ECE1: variants seen among roughly 807,000 people sequenced by gnomAD.
ECE1 encodes the protein endothelin-converting enzyme 1.
In ECE1, 35 loss-of-function variants were observed where a neutral mutation model predicts 98.6. The ratio of observed to expected loss-of-function variants is 0.35; its 90% CI spans 0.27 to 0.47. ECE1 has a LOEUF of 0.47. ECE1 is among the 20% of genes least tolerant of loss of function. The pLI, the probability that ECE1 is intolerant of heterozygous loss-of-function variation, is 1.00. For missense variants in ECE1, 814 were observed against 1,025.3 expected (o/e 0.79, Z 2.81); for synonymous variants, 394 against 407.1 (o/e 0.97, Z 0.39).
At chr1:21,221,922 G>C in intron 17 of ECE1, 80 bp from the exon 18 acceptor site, 3 of 1,266,708 alleles carry the variant, frequency 2.4e-6, no homozygotes, top group Non-Finnish European at 3.5e-6. Flanking sequence ...GTCTCAGGGA[G>C]CTCCCCCGTG....
chr1:21,267,135 G>A (rs2098234878), intron 4 of ECE1: 1 of 152,300 alleles, frequency 6.6e-6, no homozygotes, highest in African/African-American at 2.4e-5. Flanking sequence ...ACAGTTCATG[G>A]TGCCATCTTG....
intron 17 of ECE1, 164 bp from the exon 18 acceptor site, chr1:21,222,006 C>A: frequency 1.4e-6 from 1 of 704,702 alleles, no homozygotes; most frequent in Non-Finnish European, 2.6e-6. Flanking sequence ...GATGTGCACT[C>A]GTTTAGCCCT....
intron 1 of ECE1, among the ~76,000 whole-genome samples, chr1:21,296,404 T>A (rs897017614): frequency 5.3e-5 from 8 of 152,020 alleles, no homozygotes; most frequent in African/African-American, 1.9e-4. Context: ...GCCCCACTAC[T>A]TAGGAGGCTG....
At chr1:21,309,230 G>C (rs180768667) in intron 1 of ECE1, among the ~76,000 whole-genome samples, 1 of 152,320 alleles carries the variant, frequency 6.6e-6, no homozygotes, top group Admixed American at 6.5e-5. Context: ...GCTGGAGTCA[G>C]GGGAGGATGG....
In ECE1 at chr1:21,327,824, G is replaced by C. The variant is rs535533273; in HGVS notation, c.3+17552C>G. ...GCTGTGGGTGGACATTACCGCCTGA[G>C]CTCTGCCTTCGGTCAGATCAGCGGT... On this transcript the variant is annotated intron_variant, in intron 1 of 18. Coordinates refer to the ECE1 transcript ENST00000415912. The surrounding 1 kb of genome is among the most constrained non-coding windows in gnomAD (Gnocchi z 4.6). Among the ~76,000 whole-genome samples, 6 of 152,312 alleles carry C rather than the reference G, an allele frequency of 3.9e-5. No individual in the cohort carries two copies. The highest frequency in any genetic ancestry group is 1.4e-4 in the African/African-American group (6 of 41,572).
intron 2 of ECE1, 82 bp from the exon 3 acceptor site, chr1:21,279,414 GC>G: frequency 1.9e-6 from 3 of 1,608,710 alleles, no homozygotes; most frequent in Non-Finnish European, 2.5e-6. Context: ...TCCGCTGCAG[GC>G]CCAGGCCCTG....
intron 1 of ECE1, among the ~76,000 whole-genome samples, chr1:21,300,140 T>A (rs1638451917): frequency 6.6e-6 from 1 of 152,256 alleles, no homozygotes; most frequent in South Asian, 2.1e-4. Context: ...AGGATGCTGC[T>A]CACCCACTGG....
chr1:21,314,459 ACTTTT>A (rs1638792315), intron 1 of ECE1, among the ~76,000 whole-genome samples: 1 of 152,184 alleles, frequency 6.6e-6, no homozygotes. Flanking sequence ...ATTAGGAACA[ACTTTT>A]CTTTTCTTCC....
intron 1 of ECE1, among the ~76,000 whole-genome samples, chr1:21,321,740 G>T (rs1569754838): frequency 6.6e-6 from 1 of 152,046 alleles, no homozygotes; most frequent in Non-Finnish European, 1.5e-5. Flanking sequence ...CTCAGTCTCC[G>T]AAGTAGCTGG....
upstream of ECE1, among the ~76,000 whole-genome samples, chr1:21,295,461 ATCC>A (rs780931000): frequency 5.3e-5 from 8 of 152,266 alleles, no homozygotes; most frequent in Non-Finnish European, 1.0e-4. Context: ...TTATTACATT[ATCC>A]ATTATATTTC....
chr1:21,221,641 G>C (rs2098167591), intron 18 of ECE1, 106 bp downstream of exon 18: 1 of 1,157,760 alleles, frequency 8.6e-7, no homozygotes, highest in African/African-American at 1.5e-5. Context: ...CCAGTGACTT[G>C]GGAAGTTCTC....
Position 21,257,582 on chromosome 1 carries a change from C to T in ECE1, c.771G>A (p.Gln257=), listed in dbSNP as rs780700308. The change falls in exon 7 of 19, where the codon CAG becomes CAA. Residue 257 remains glutamine, a synonymous_variant. Transcript: ENST00000374893. ...NSNSNVIQVD[Q]SGLGLPSRDY... ...CTCTCGAGGGCAAGCCCAGGCCAGA[C>T]TGGTCCACCTGGCAAGAGAAGCAGG... The T allele has an allele frequency of 1.2e-6, 2 of 1,614,258 alleles. No homozygotes were observed. Among genetic ancestry groups the T allele is most frequent in the Non-Finnish European group, 1.7e-6 (2 of 1,180,054 alleles).
intron 1 of ECE1, among the ~76,000 whole-genome samples, chr1:21,301,529 A>G (rs924378062): frequency 8.0e-5 from 12 of 150,536 alleles, no homozygotes; most frequent in African/African-American, 2.0e-4. Context: ...CAAAAAGCCA[A>G]TTCATGCTGG....
Position 21,258,780 on chromosome 1 carries a change from C to A in ECE1, c.675G>T (p.Gln225His), listed in dbSNP as rs778253198. The part of the protein sequence containing the change: ...WAKDNFQDTL[Q>H]VVTAHYRTSP... Reference sequence around the variant, plus strand: ...AGGTGCGGTAGTGGGCGGTGACCACCTGCAGGGTGTCCTGGAAGTTGTCCT... The same window carrying A: ...AGGTGCGGTAGTGGGCGGTGACCACATGCAGGGTGTCCTGGAAGTTGTCCT... Residue 225 changes from glutamine to histidine, a missense_variant, in exon 6 of 19, where the codon CAG becomes CAT. Coordinates refer to ENST00000374893, the MANE Select transcript of ECE1 (RefSeq NM_001397.3). This position sits in a 1 kb window ranked among gnomAD's most constrained non-coding sequence, Gnocchi z 4.2. 1 of 1,614,110 alleles carries A rather than the reference C, an allele frequency of 6.2e-7. No individual in the cohort carries two copies. Among genetic ancestry groups the A allele is most frequent in the African/African-American group, 1.3e-5 (1 of 74,930 alleles).
At chr1:21,278,723 T>G (rs139363537) in intron 3 of ECE1, among the ~76,000 whole-genome samples, 1 of 152,170 alleles carries the variant, frequency 6.6e-6, no homozygotes, top group Admixed American at 6.5e-5. Context: ...GAGGGCATTA[T>G]TGTTATTTTA....
chr1:21,317,654 C>G (rs551975579), intron 1 of ECE1, among the ~76,000 whole-genome samples: 1 of 152,226 alleles, frequency 6.6e-6, no homozygotes, highest in Non-Finnish European at 1.5e-5. Flanking sequence ...GCCACACCCT[C>G]CCCTCTGTGA....
chr1:21,290,595 T>G, upstream of ECE1: 3 of 1,179,054 alleles, frequency 2.5e-6, no homozygotes, highest in Non-Finnish European at 3.2e-6. This position sits in a 1 kb window ranked among gnomAD's most constrained non-coding sequence, Gnocchi z 7.3. Context: ...GACCCCTCCC[T>G]TCCCCGGAGG....
intron 4 of ECE1, among the ~76,000 whole-genome samples, chr1:21,269,506 T>C (rs1170417008): frequency 6.6e-6 from 1 of 152,192 alleles, no homozygotes; most frequent in Non-Finnish European, 1.5e-5. Flanking sequence ...GTTCCCACTT[T>C]ATAGGTGATG....
At chr1:21,284,824 C>T (rs2103350786) in intron 2 of ECE1, among the ~76,000 whole-genome samples, 1 of 152,304 alleles carries the variant, frequency 6.6e-6, no homozygotes, top group African/African-American at 2.4e-5. Flanking sequence ...CTGCACGAAG[C>T]AGCAATGGGA....
Sources: allele counts gnomAD v4.1 joint callset (sites outside exome capture counted in the v4.1 genomes callset), GRCh38; gene constraint gnomAD v4.1.1; non-coding constraint Gnocchi (gnomAD v3.1); transcripts MANE v1.5; gene names NCBI Gene and HGNC (gene_info 2026-07-23, HGNC 2026-07-21).